Variants in FAM118A observed in about 807,000 individuals in gnomAD.
The protein encoded by FAM118A is SIR2 antiphage like 2.
FAM118A carries 25 observed loss-of-function variants against 38.2 expected under a neutral mutation model. That is an observed-to-expected ratio of 0.65 (90% CI 0.48 to 0.91). The LOEUF (loss-of-function observed/expected upper bound fraction) is 0.91, where lower values mean the gene tolerates loss of function less well. Among genes scored for constraint, FAM118A ranks in the 40% least tolerant of loss-of-function variants. The probability of loss-of-function intolerance (pLI) is 0.00; values close to 1 mark genes in which losing one functional copy is unlikely to be tolerated. For missense variants in FAM118A, 425 were observed against 463.3 expected (o/e 0.92, Z 0.76); for synonymous variants, 178 against 184.1 (o/e 0.97, Z 0.27).
intron 1 of FAM118A, among the ~76,000 whole-genome samples, chr22:45,320,895 A>G (rs991487538): frequency 6.6e-6 from 1 of 152,176 alleles, no homozygotes; most frequent in Non-Finnish European, 1.5e-5. Context: ...AATCTCTCCT[A>G]AATAAATAAT....
At chr22:45,310,633 C>A (rs916668574) in intron 1 of FAM118A, among the ~76,000 whole-genome samples, 40 of 152,278 alleles carry the variant, frequency 2.6e-4, no homozygotes, top group Admixed American at 3.9e-4. Context: ...AACTTGAGGT[C>A]CCTGGACCTG....
Position 45,320,942 on chromosome 22 carries a change from T to C in FAM118A, c.-9-1429T>C, listed in dbSNP as rs565839240. 4.4e-4 allele frequency among the ~76,000 whole-genome samples: 67 copies of C among 152,242 alleles called. No individual in the cohort carries two copies. The South Asian group carries it at 7.7e-3, about 17-fold the overall frequency. On this transcript the variant is annotated intron_variant, in intron 1 of 8. Transcript: ENST00000441876. The stretch of plus-strand genomic sequence containing the variant: ...CAGGCTTTGTGCACTAAGTCGGTGG[T>C]CAGGGTGTTATACTAACATTCTGCA...
In FAM118A at chr22:45,340,535, A is replaced by AC. The variant is rs2086411860; in HGVS notation, c.*131dup. The AC allele has an allele frequency of 3.6e-6, 4 of 1,124,110 alleles. No homozygotes were observed. In the East Asian group the frequency reaches 9.5e-5, roughly 27 times the overall value. The allele number at this position is 1,124,110 out of a possible 1,614,324, so 69.6% of individuals were successfully genotyped here. ...AACCGTCACATACACCAAGAGAGCC[A>AC]CATGGGCATGTGGCCCTCAAGGCTG... On this transcript the variant is annotated 3_prime_UTR_variant, in exon 9 of 9. Coordinates refer to ENST00000441876, the MANE Select transcript of FAM118A (RefSeq NM_017911.4).
intron 6 of FAM118A, among the ~76,000 whole-genome samples, chr22:45,334,852 C>T (rs1047676265): frequency 8.5e-5 from 13 of 152,314 alleles, no homozygotes; most frequent in Admixed American, 1.3e-4. Context: ...ATTCCACCCC[C>T]ACACTCCCTG....
chr22:45,312,547 A>C (rs1200672842), intron 1 of FAM118A, among the ~76,000 whole-genome samples: 6 of 152,114 alleles, frequency 3.9e-5, no homozygotes, highest in African/African-American at 1.4e-4. Flanking sequence ...GGTGGTGTGC[A>C]CCTGTAATCT....
intron 4 of FAM118A, chr22:45,329,851 G>C (rs1244906182): frequency 6.6e-6 from 1 of 152,264 alleles, no homozygotes; most frequent in African/African-American, 2.4e-5. Context: ...AGGGCTGTTG[G>C]TGTTTGTGTC....
intron 1 of FAM118A, chr22:45,322,069 C>T (rs2084911477): frequency 2.9e-6 from 2 of 700,122 alleles, no homozygotes; most frequent in Admixed American, 7.0e-5. Flanking sequence ...CAGCGAAAAC[C>T]CCAGCTCGGA....
At position 45,340,788 on chromosome 22, in the gene FAM118A, G is replaced by T; in HGVS notation, c.*383G>T. On this transcript the variant is annotated 3_prime_UTR_variant, in exon 9 of 9. Coordinates refer to ENST00000441876, the MANE Select transcript of FAM118A (RefSeq NM_017911.4). ...TGTCCAAGCAACAGTAGCTGCCAAA[G>T]AGAAAATACGAAATAGACACTTTTT... 2 of 244,226 alleles carry T rather than the reference G, an allele frequency of 8.2e-6. No individual in the cohort carries two copies. The allele number at this position is 244,226 out of a possible 1,614,324, so 15.1% of individuals were successfully genotyped here.
At position 45,340,485 on chromosome 22, in the gene FAM118A, A is replaced by G; in HGVS notation, c.*80A>G. Reference sequence around the variant, plus strand: ...CCAAACGAAGAGGAATGTATGGAGAACTCCACGTGGATCTCTGATTGCGAA... The same window carrying G: ...CCAAACGAAGAGGAATGTATGGAGAGCTCCACGTGGATCTCTGATTGCGAA... On this transcript the variant is annotated 3_prime_UTR_variant, in exon 9 of 9. Coordinates refer to ENST00000441876, the MANE Select transcript of FAM118A (RefSeq NM_017911.4). 4 of 1,501,286 alleles carry G rather than the reference A, an allele frequency of 2.7e-6. No homozygotes were observed. Among genetic ancestry groups the G allele is most frequent in the Non-Finnish European group, 3.7e-6 (4 of 1,077,330 alleles). 93.0% of individuals were successfully genotyped at this position (1,501,286 alleles called of 1,614,324 possible).
intron 4 of FAM118A, chr22:45,329,135 C>T (rs2085523504): frequency 1.3e-5 from 2 of 152,486 alleles, no homozygotes; most frequent in African/African-American, 2.4e-5. Context: ...ATGAGATTTT[C>T]GTGGGGACAA....
intron 1 of FAM118A, chr22:45,322,040 A>T: frequency 2.3e-6 from 1 of 427,836 alleles, no homozygotes; most frequent in Non-Finnish European, 4.3e-6. Flanking sequence ...AAATTCTTCT[A>T]GAGCAGTGTC....
At position 45,336,018 on chromosome 22, in the gene FAM118A, C is replaced by T. The variant is rs767609345; in HGVS notation, c.971-310C>T. Among the ~76,000 whole-genome samples the T allele has an allele frequency of 9.7e-4, 147 of 152,300 alleles. 1 individual carries two copies. Among genetic ancestry groups the T allele is most frequent in the Middle Eastern group, 6.8e-3 (2 of 294 alleles). On this transcript the variant is annotated intron_variant, in intron 7 of 8. Coordinates refer to ENST00000441876, the MANE Select transcript of FAM118A (RefSeq NM_017911.4). ...CAGCGCGTTCACAGATGGGAAAACG[C>T]GCATCGATGTGGGAGCTGCTCGCCT...
chr22:45,325,969 C>T (rs1023948828), intron 3 of FAM118A, among the ~76,000 whole-genome samples: 3 of 152,014 alleles, frequency 2.0e-5, no homozygotes, highest in African/African-American at 7.3e-5. Flanking sequence ...CCCCTGGGAA[C>T]AGTGGGAGGG....
At chr22:45,340,270 A>G in intron 8 of FAM118A, 116 bp from the exon 9 acceptor site, 2 of 1,294,916 alleles carry the variant, frequency 1.5e-6, no homozygotes, top group Non-Finnish European at 2.2e-6. Context: ...GGGGTTTTCA[A>G]AGTCTTCCGT....
chr22:45,325,599 G>A (rs1339867784), intron 3 of FAM118A, among the ~76,000 whole-genome samples: 1 of 152,176 alleles, frequency 6.6e-6, no homozygotes, highest in Non-Finnish European at 1.5e-5. Flanking sequence ...CAGATGGGAG[G>A]GAGTGGTTGG....
chr22:45,318,944 G>A (rs1601892076), intron 1 of FAM118A: 1 of 152,198 alleles, frequency 6.6e-6, no homozygotes, highest in Non-Finnish European at 1.5e-5. Context: ...CCAGGAGTGC[G>A]AGCTGTGGCC....
intron 1 of FAM118A, 173 bp from the exon 2 acceptor site, chr22:45,322,198 T>TTAGGAA: frequency 6.6e-7 from 1 of 1,523,474 alleles, no homozygotes; most frequent in Non-Finnish European, 8.8e-7. Flanking sequence ...GAATGGTGGC[T>TTAGGAA]TAGGAAGCAT....
At chr22:45,324,393 G>T (rs544946725) in intron 3 of FAM118A, among the ~76,000 whole-genome samples, 2 of 152,326 alleles carry the variant, frequency 1.3e-5, no homozygotes, top group South Asian at 4.1e-4. Context: ...GGAGTGCGTG[G>T]AGGAGGGAAG....
intron 8 of FAM118A, among the ~76,000 whole-genome samples, chr22:45,337,537 C>G (rs1188167742): frequency 6.6e-6 from 1 of 152,090 alleles, no homozygotes; most frequent in Non-Finnish European, 1.5e-5. Context: ...GTTCCAAAAA[C>G]TAACGTTTCC....
Sources: gnomAD v4.1 joint callset for allele counts (sites outside exome capture counted in the v4.1 genomes callset) on GRCh38, gnomAD v4.1.1 for gene constraint, MANE v1.5 for transcripts, NCBI Gene and HGNC (gene_info 2026-07-23, HGNC 2026-07-21) for gene names.